LRP3: variants seen among roughly 807,000 people sequenced by gnomAD.
The protein encoded by LRP3 is low-density lipoprotein receptor-related protein 3.
A neutral mutation model predicts 58.5 loss-of-function variants in LRP3; 49 were observed. The observed-to-expected ratio is 0.84, with a 90% CI of 0.67 to 1.06. The LOEUF (loss-of-function observed/expected upper bound fraction) is 1.06, where lower values mean the gene tolerates loss of function less well. LRP3 is among the 50% of genes least tolerant of loss of function. The probability of loss-of-function intolerance (pLI) is 0.00; values close to 1 mark genes in which losing one functional copy is unlikely to be tolerated. For missense variants in LRP3, 1,019 were observed against 1,134.2 expected, an observed-to-expected ratio of 0.90 and a Z score of 1.46; for synonymous variants, 485 against 492.2, an observed-to-expected ratio of 0.99 and a Z score of 0.20.
chr19:33,197,644 C>T (rs1021997578), intron 2 of LRP3, among the ~76,000 whole-genome samples: 1 of 152,074 alleles, frequency 6.6e-6, no homozygotes, highest in African/African-American at 2.4e-5. Context: ...AAAACCAAAA[C>T]CTGAGGTCAA....
In LRP3 at chr19:33,202,993, G is replaced by C. The variant is rs201831478; in HGVS notation, c.260+7G>C. On this transcript the variant is annotated splice_region_variant and intron_variant, in intron 3 of 6. Transcript: ENST00000253193. ...GTGACATGATTACCATCAGGTAGGG[G>C]CACCCGGGGGTGTCGGAAGGAATCA... 6.2e-7 allele frequency: 1 copy of C among 1,612,084 alleles called. No homozygotes were observed. The highest frequency in any genetic ancestry group is 1.7e-5 in the Admixed American group (1 of 59,886).
At chr19:33,204,410 GCAATTCTTC>G in intron 3 of LRP3, 3 of 571,152 alleles carry the variant, frequency 5.3e-6, no homozygotes, top group Non-Finnish European at 9.4e-6. Flanking sequence ...CGTGGATGTC[GCAATTCTTC>G]ATGGAGCCTC....
rs200944735 is a variant in LRP3 at position 33,205,375 on chromosome 19, C to T, written c.605C>T (p.Ala202Val). The change falls in exon 5 of 7, where the codon GCG (alanine) becomes GTG (valine). Residue 202 changes from alanine (A) to valine (V), a missense_variant. This residue lies in a region of LRP3 where 592 missense variants were observed against 725.5 expected (regional missense o/e 0.82). Coordinates refer to ENST00000253193, the MANE Select transcript of LRP3 (RefSeq NM_002333.4). ...GGCTCTGATGAGGGCAACTGCTCGG[C>T]GCCCGCCTCCGAGCCTCCAGGCAGC... ...GDGSDEGNCSAPASEPPGSLC... is the reference protein window; with the variant it reads ...GDGSDEGNCSVPASEPPGSLC... 1.9e-5 allele frequency: 30 copies of T among 1,597,414 alleles called. No individual in the cohort carries two copies. The highest frequency in any genetic ancestry group is 1.4e-4 in the Admixed American group (8 of 59,212).
chr19:33,206,963 G>T, intron 6 of LRP3, 25 bp from the exon 7 acceptor site: 1 of 1,381,498 alleles, frequency 7.2e-7, no homozygotes, highest in Admixed American at 2.8e-5. Context: ...GCATCCCCCC[G>T]CCCCTACCCT....
rs946234859 is a variant in LRP3, at chr19:33,207,934, T to G, written c.*359T>G. 3.2e-6 allele frequency: 1 copy of G among 311,610 alleles called. No homozygotes were observed. Among genetic ancestry groups the G allele is most frequent in the African/African-American group, 2.2e-5 (1 of 45,134 alleles). The allele number at this position is 311,610 out of a possible 1,614,324, so 19.3% of individuals were successfully genotyped here. A position where few individuals can be genotyped will look rare whatever the true frequency, so the allele number is the denominator to read the frequency against. ...AACAGCTGCCCCTAGAGCTGGGAGT[T>G]GTCATGAGGATGGGGCCGGGCCATG... is the stretch of plus-strand genomic sequence containing the variant. On this transcript the variant is annotated 3_prime_UTR_variant, in exon 7 of 7. Transcript: ENST00000253193.
chr19:33,208,810 A>AAAAC lies in LRP3; in HGVS notation c.*1239_*1242dup, dbSNP rs1974465384. 4.4e-6 allele frequency: 7 copies of AAAAC among 1,595,236 alleles called. No individual in the cohort carries two copies. In the South Asian group the frequency reaches 7.9e-5, roughly 18 times the overall value. On this transcript the variant is annotated 3_prime_UTR_variant, in exon 7 of 7. Coordinates refer to ENST00000253193, the MANE Select transcript of LRP3 (RefSeq NM_002333.4). This position sits in a 1 kb window ranked among gnomAD's most constrained non-coding sequence, Gnocchi z 4.7. ...TTTTCTTTTTTTTCCAGAAAAAAAC[A>AAAAC]AAACAAAACTTTTTTGCCAAAACAC... is the stretch of plus-strand genomic sequence containing the variant.
In LRP3 at chr19:33,204,778, A is replaced by G; in HGVS notation, c.401A>G (p.His134Arg). Residue 134 changes from histidine to arginine, a missense_variant, in exon 4 of 7, where the codon CAT (histidine) becomes CGT (arginine). Coordinates refer to ENST00000253193, the MANE Select transcript of LRP3 (RefSeq NM_002333.4). Reference protein sequence around the residue: ...IPPAFISARDHVWIFFHSDAS... With the variant: ...IPPAFISARDRVWIFFHSDAS... ...CCTGCCTTCATCTCTGCCCGCGACCATGTCTGGATTTTCTTCCACTCAGAC... is the reference window on the plus strand; with the variant it reads ...CCTGCCTTCATCTCTGCCCGCGACCGTGTCTGGATTTTCTTCCACTCAGAC... 6.2e-7 allele frequency: 1 copy of G among 1,613,226 alleles called. No homozygotes were observed. Among genetic ancestry groups the G allele is most frequent in the Non-Finnish European group, 8.5e-7 (1 of 1,179,956 alleles).
chr19:33,202,426 A>C (rs1974350518), intron 2 of LRP3, among the ~76,000 whole-genome samples: 1 of 152,228 alleles, frequency 6.6e-6, no homozygotes, highest in Non-Finnish European at 1.5e-5. Flanking sequence ...GCAAAGCCTC[A>C]GGGAAGGCAG....
intron 4 of LRP3, 37 bp from the exon 5 acceptor site, chr19:33,205,209 T>C (rs750980804): frequency 6.3e-7 from 1 of 1,588,038 alleles, no homozygotes; most frequent in Non-Finnish European, 8.6e-7. Flanking sequence ...GGCTCTTCTG[T>C]CTCCTGACTG....
chr19:33,208,154 T>C lies in LRP3; in HGVS notation c.*579T>C, dbSNP rs904706865. ...GAAGGGCTGGGGTGTGTGCCTGCTG[T>C]ACATGAAGCCCCTGGAGTTCCCTGC... On this transcript the variant is annotated 3_prime_UTR_variant, in exon 7 of 7. Coordinates refer to ENST00000253193, the MANE Select transcript of LRP3 (RefSeq NM_002333.4). The surrounding 1 kb of genome is among the most constrained non-coding windows in gnomAD (Gnocchi z 4.7). 6.2e-6 allele frequency: 1 copy of C among 160,248 alleles called. No homozygotes were observed. The allele number at this position is 160,248 out of a possible 1,614,324, so 9.9% of individuals were successfully genotyped here.
rs1974465749 is a variant in LRP3, at chr19:33,208,818, ACT to A, written c.*1244_*1245del. 6.2e-7 allele frequency: 1 copy of A among 1,603,658 alleles called. No individual in the cohort carries two copies. Among genetic ancestry groups the A allele is most frequent in the South Asian group, 1.1e-5 (1 of 89,384 alleles). On this transcript the variant is annotated 3_prime_UTR_variant, in exon 7 of 7. Coordinates refer to ENST00000253193, the MANE Select transcript of LRP3 (RefSeq NM_002333.4). This position sits in a 1 kb window ranked among gnomAD's most constrained non-coding sequence, Gnocchi z 4.7. ...TTTTTCCAGAAAAAAACAAAACAAA[ACT>A]TTTTTGCCAAAACACCTCCTCAATA... is the stretch of plus-strand genomic sequence containing the variant.
At chr19:33,200,839 C>T (rs1255210355) in intron 2 of LRP3, among the ~76,000 whole-genome samples, 3 of 152,164 alleles carry the variant, frequency 2.0e-5, no homozygotes, top group Admixed American at 6.5e-5. Context: ...ACCTCACTGA[C>T]CTGGGACTGT....
intron 4 of LRP3, 66 bp from the exon 5 acceptor site, chr19:33,205,180 G>A (rs763854225): frequency 3.8e-4 from 589 of 1,537,048 alleles, no homozygotes; most frequent in Non-Finnish European, 5.1e-4. Flanking sequence ...TTTGGCCCCA[G>A]GCCCCCTGGC....
In LRP3 at chr19:33,206,172, A is replaced by G; in HGVS notation, c.1402A>G (p.Ile468Val). 1 of 1,597,882 alleles carries G rather than the reference A, an allele frequency of 6.3e-7. No homozygotes were observed. The highest frequency in any genetic ancestry group is 8.5e-7 in the Non-Finnish European group (1 of 1,171,786). ...CTTCCACTGCGGTACCAACCTGTGC[A>G]TCTTCGAGACGTGGCGCTGTGACGG... ...GTFHCGTNLC[I>V]FETWRCDGQE... The change falls in exon 5 of 7, where the codon ATC becomes GTC. Residue 468 changes from isoleucine to valine, a missense_variant. By Grantham distance (29) the Ile-to-Val change is conservative (BLOSUM62 3). This residue lies in a region of LRP3 where 592 missense variants were observed against 725.5 expected (regional missense o/e 0.82). Transcript: ENST00000253193.
At chr19:33,203,126 CAT>C (rs1285199229) in intron 3 of LRP3, 140 bp downstream of exon 3, 21 of 1,082,062 alleles carry the variant, frequency 1.9e-5, no homozygotes, top group Non-Finnish European at 2.4e-5. Context: ...GGATCATGTG[CAT>C]GTGTGTGAGC....
chr19:33,205,525 T>G lies in LRP3; in HGVS notation c.755T>G (p.Leu252Arg). ...TCGGATGAGGCGGGCTGCCCCGACCTGGCGTGCGGCCGGCGGCTGGGCAGC... is the reference window on the plus strand; with the variant it reads ...TCGGATGAGGCGGGCTGCCCCGACCGGGCGTGCGGCCGGCGGCTGGGCAGC... Reference protein sequence around the residue: ...DGSDEAGCPDLACGRRLGSFY... With the variant: ...DGSDEAGCPDRACGRRLGSFY... The change falls in exon 5 of 7, where the codon CTG becomes CGG. Residue 252 changes from leucine to arginine, a missense_variant. Physicochemically the swap from Leu to Arg is moderately radical, Grantham distance 102. Transcript: ENST00000253193. 3 of 1,564,740 alleles carry G rather than the reference T, an allele frequency of 1.9e-6. No homozygotes were observed. The highest frequency in any genetic ancestry group is 2.6e-6 in the Non-Finnish European group (3 of 1,159,820).
intron 2 of LRP3, among the ~76,000 whole-genome samples, chr19:33,201,466 C>T (rs1001042719): frequency 6.6e-6 from 1 of 151,992 alleles, no homozygotes; most frequent in Non-Finnish European, 1.5e-5. Context: ...AGGGGGCTGG[C>T]GCTGCTGTAG....
rs1056611916 is a variant in LRP3 at position 33,207,653 on chromosome 19, G to A, written c.*78G>A. The A allele has an allele frequency of 1.2e-5, 14 of 1,190,678 alleles. No homozygotes were observed. The highest frequency in any genetic ancestry group is 3.8e-5 in the Admixed American group (2 of 53,158). 73.8% of individuals were successfully genotyped at this position (1,190,678 alleles called of 1,614,324 possible). A position where few individuals can be genotyped will look rare whatever the true frequency, so the allele number is the denominator to read the frequency against. The stretch of plus-strand genomic sequence containing the variant: ...ACAGTCATTTCTACCCTGCCTCTGC[G>A]TCCTTTCTTATGGAGAGGCCCTCCG... On this transcript the variant is annotated 3_prime_UTR_variant, in exon 7 of 7. Transcript: ENST00000253193.
chr19:33,207,434 G>A lies in LRP3; in HGVS notation c.2172G>A (p.Gln724=), dbSNP rs1251166150. 6.3e-7 allele frequency: 1 copy of A among 1,595,804 alleles called. No individual in the cohort carries two copies. The highest frequency in any genetic ancestry group is 8.5e-7 in the Non-Finnish European group (1 of 1,175,714). The change falls in exon 7 of 7, where the codon CAG becomes CAA. Residue 724 remains glutamine, a synonymous_variant. Coordinates refer to ENST00000253193, the MANE Select transcript of LRP3 (RefSeq NM_002333.4). The stretch of plus-strand genomic sequence containing the variant: ...CACCTCGGGAGCCCTGCTCAGCCCA[G>A]GACCCGCACCCCCAGGTCTCCACTG... ...ADAPREPCSA[Q]DPHPQVSTAS...
Sources: allele counts gnomAD v4.1 joint callset (sites outside exome capture counted in the v4.1 genomes callset), GRCh38; gene constraint gnomAD v4.1.1; regional missense constraint gnomAD v4.1.1; non-coding constraint Gnocchi (gnomAD v3.1); transcripts MANE v1.5; gene names NCBI Gene and HGNC (gene_info 2026-07-23, HGNC 2026-07-21).